The following USP24 variants were observed in gnomAD, a reference collection of about 807,000 sequenced individuals.
The protein encoded by USP24 is ubiquitin specific peptidase 24, also known as ubiquitin carboxyl-terminal hydrolase 24.
Under a neutral mutation model 361.6 loss-of-function variants are expected in USP24, and 97 were observed. The ratio of observed to expected loss-of-function variants is 0.27; its 90% confidence interval spans 0.23 to 0.32. USP24 has a LOEUF of 0.32. Ranked by LOEUF, USP24 falls within the 10% of genes least tolerant of loss-of-function variation. The probability of loss-of-function intolerance (pLI) is 1.00; values close to 1 mark genes in which losing one functional copy is unlikely to be tolerated. For missense variants in USP24, 2,353 were observed against 3,165.6 expected (o/e 0.74, Z 6.16); for synonymous variants, 1,098 against 1,124.6 (o/e 0.98, Z 0.47).
Position 55,159,024 on chromosome 1 carries a change from T to G in USP24, c.1081A>C (p.Ile361Leu). 1 of 1,532,464 alleles carries G rather than the reference T, an allele frequency of 6.5e-7. No individual in the cohort carries two copies. Among genetic ancestry groups the G allele is most frequent in the Non-Finnish European group, 8.8e-7 (1 of 1,139,236 alleles). The allele number at this position is 1,532,464 out of a possible 1,614,324, so 94.9% of individuals were successfully genotyped here. Residue 361 changes from isoleucine to leucine, a missense_variant, in exon 10 of 68, where the codon ATC becomes CTC. This residue lies in a region of USP24 where 386 missense variants were observed against 560.5 expected (regional missense o/e 0.69). Coordinates refer to ENST00000294383, the MANE Select transcript of USP24 (RefSeq NM_015306.3). ...KDLKDKRLVS[I>L]PELLSAVKLL... ...TTAACGGCAGACAAGAGCTCAGGGA[T>G]GCTAACCAATCTCTTTTATTGAATA...
intron 1 of USP24, among the ~76,000 whole-genome samples, chr1:55,193,782 G>A (rs1462761069): frequency 6.6e-6 from 1 of 152,178 alleles, no homozygotes; most frequent in East Asian, 1.9e-4. Flanking sequence ...CAGGAGGTAA[G>A]AGTTATCATC....
intron 39 of USP24, among the ~76,000 whole-genome samples, chr1:55,109,491 G>C (rs1284125990): frequency 6.6e-6 from 1 of 152,050 alleles, no homozygotes; most frequent in Admixed American, 6.5e-5. Flanking sequence ...CTAACCATAC[G>C]CTGCTTCCTT....
chr1:55,125,266 C>T (rs1646394470), intron 34 of USP24, 54 bp downstream of exon 34: 2 of 1,544,890 alleles, frequency 1.3e-6, no homozygotes, highest in East Asian at 2.3e-5. Context: ...TCTTCCTAAA[C>T]AGGACATTCT....
intron 59 of USP24, among the ~76,000 whole-genome samples, chr1:55,080,582 CTGTGTGCTTTAA>C (rs1645130157): frequency 6.6e-6 from 1 of 152,152 alleles, no homozygotes; most frequent in Non-Finnish European, 1.5e-5. Flanking sequence ...GTTTAAAGCA[CTGTGTGCTTTAA>C]ACACAATAAA....
At chr1:55,129,110 T>C (rs1646520788) in intron 32 of USP24, among the ~76,000 whole-genome samples, 1 of 152,146 alleles carries the variant, frequency 6.6e-6, no homozygotes. Flanking sequence ...AATATCTAAT[T>C]TATCTTTGCA....
intron 1 of USP24, among the ~76,000 whole-genome samples, chr1:55,194,283 A>G (rs2100890101): frequency 1.3e-5 from 2 of 152,338 alleles, no homozygotes; most frequent in Middle Eastern, 6.8e-3. Context: ...TGATTCTTTC[A>G]CTACCACTTG....
At chr1:55,187,710 G>A (rs561931154) in intron 1 of USP24, among the ~76,000 whole-genome samples, 1 of 152,062 alleles carries the variant, frequency 6.6e-6, no homozygotes, top group African/African-American at 2.4e-5. Context: ...ACATTAAAAA[G>A]AATAAAATAC....
intron 58 of USP24, among the ~76,000 whole-genome samples, chr1:55,082,028 T>C (rs1001744789): frequency 2.6e-5 from 4 of 152,224 alleles, no homozygotes; most frequent in Admixed American, 2.6e-4. Flanking sequence ...AATTTCAACA[T>C]AGTATCCACA....
intron 38 of USP24, among the ~76,000 whole-genome samples, chr1:55,118,402 A>G (rs942504558): frequency 1.2e-4 from 19 of 152,232 alleles, no homozygotes; most frequent in African/African-American, 3.6e-4. Context: ...GGATATTCAC[A>G]TGGAGAAAAA....
Position 55,120,690 on chromosome 1 carries a change from C to T in USP24, c.4414G>A (p.Val1472Met). The T allele has an allele frequency of 6.4e-7, 1 of 1,571,540 alleles. No homozygotes were observed. Among genetic ancestry groups the T allele is most frequent in the Non-Finnish European group, 8.6e-7 (1 of 1,157,184 alleles). Residue 1472 changes from valine (V) to methionine (M), a missense_variant, in exon 38 of 68, where the codon GTG (valine) becomes ATG (methionine). Coordinates refer to ENST00000294383, the MANE Select transcript of USP24 (RefSeq NM_015306.3). ...SQTDTSAHPD[V>M]QKPNQFLLGV... ...AGAAGAAACTGATTTGGCTTCTGCA[C>T]ATCTGGATGCGCTGATGTGTCTGTC...
chr1:55,201,908 C>A (rs1051582421), intron 1 of USP24, among the ~76,000 whole-genome samples: 1 of 152,128 alleles, frequency 6.6e-6, no homozygotes, highest in Non-Finnish European at 1.5e-5. Context: ...CTGCCAACTG[C>A]AAGGCTGTGT....
At chr1:55,079,253 C>G (rs1244401501) in intron 60 of USP24, among the ~76,000 whole-genome samples, 2 of 152,074 alleles carry the variant, frequency 1.3e-5, no homozygotes, top group Non-Finnish European at 2.9e-5. Context: ...GGGGATGAAA[C>G]CCTCTACAAT....
intron 1 of USP24, among the ~76,000 whole-genome samples, chr1:55,205,702 C>T (rs1277940362): frequency 6.6e-6 from 1 of 152,092 alleles, no homozygotes; most frequent in Non-Finnish European, 1.5e-5. Flanking sequence ...TTTTTAACTA[C>T]TCTCATTTAA....
intron 38 of USP24, among the ~76,000 whole-genome samples, chr1:55,116,193 A>G (rs1476441181): frequency 3.9e-5 from 6 of 152,222 alleles, no homozygotes; most frequent in African/African-American, 1.4e-4. Context: ...AAATGCTTAC[A>G]TTAAAAACAA....
rs749458508 is a variant in USP24, at chr1:55,154,168, T to C, written c.1763A>G (p.Glu588Gly). The change falls in exon 15 of 68, where the codon GAA (glutamate) becomes GGA (glycine). Residue 588 changes from glutamate to glycine, a missense_variant. Coordinates refer to ENST00000294383, the MANE Select transcript of USP24 (RefSeq NM_015306.3). Reference protein sequence around the residue: ...TILSDAYAVKEAIKRSYIIKC... With the variant: ...TILSDAYAVKGAIKRSYIIKC... ...GATGATGTAGCTCCTCTTGATTGCT[T>C]CTTTCACTGCATATGCATCACTAAG... 6.2e-7 allele frequency: 1 copy of C among 1,613,708 alleles called. No individual in the cohort carries two copies. The highest frequency in any genetic ancestry group is 2.2e-5 in the East Asian group (1 of 44,874).
In USP24 at chr1:55,100,968, C is replaced by T. The variant is rs775266857; in HGVS notation, c.5146-4G>A. 8 of 1,607,304 alleles carry T rather than the reference C, an allele frequency of 5.0e-6. No individual in the cohort carries two copies. Among genetic ancestry groups the T allele is most frequent in the Non-Finnish European group, 5.9e-6 (7 of 1,178,150 alleles). Reference sequence around the variant, plus strand: ...CATCATCCACTGAAAGTAATGACTGCACAGAAAAGAAACATATCAAGCTTG... The same window carrying T: ...CATCATCCACTGAAAGTAATGACTGTACAGAAAAGAAACATATCAAGCTTG... On this transcript the variant is annotated splice_region_variant and splice_polypyrimidine_tract_variant and intron_variant, in intron 43 of 67. Coordinates refer to ENST00000294383, the MANE Select transcript of USP24 (RefSeq NM_015306.3).
At chr1:55,101,094 C>A in intron 43 of USP24, 130 bp from the exon 44 acceptor site, 1 of 1,087,230 alleles carries the variant, frequency 9.2e-7, no homozygotes. Context: ...GGCTATAATG[C>A]TGCAGATATT....
At chr1:55,080,268 T>C (rs932851722) in intron 59 of USP24, among the ~76,000 whole-genome samples, 27 of 152,276 alleles carry the variant, frequency 1.8e-4, no homozygotes, top group Admixed American at 5.2e-4. Context: ...TTTAGATGAG[T>C]TGGAGTTTAG....
At chr1:55,079,188 A>G (rs1645092050) in intron 60 of USP24, among the ~76,000 whole-genome samples, 1 of 152,106 alleles carries the variant, frequency 6.6e-6, no homozygotes, top group African/African-American at 2.4e-5. Context: ...AGGTTTAACA[A>G]CACACGTGGT....
Sources: gnomAD v4.1 joint callset for allele counts (sites outside exome capture counted in the v4.1 genomes callset) on GRCh38, gnomAD v4.1.1 for gene constraint, gnomAD v4.1.1 regional missense constraint, MANE v1.5 for transcripts, NCBI Gene and HGNC (gene_info 2026-07-23, HGNC 2026-07-21) for gene names.